Variants in TMEM177 observed in about 807,000 individuals in gnomAD.
TMEM177 encodes the protein transmembrane protein 177.
A neutral mutation model predicts 14.2 loss-of-function variants in TMEM177; 4 were observed. The observed-to-expected ratio is 0.28, with a 90% CI of 0.14 to 0.64. TMEM177 has a LOEUF of 0.64. Ranked by LOEUF, TMEM177 falls within the 30% of genes least tolerant of loss-of-function variation. The pLI is 0.82. For missense variants in TMEM177, 344 were observed against 405.2 expected, an observed-to-expected ratio of 0.85 and a Z score of 1.30; for synonymous variants, 179 against 174.5, an observed-to-expected ratio of 1.03 and a Z score of -0.20.
chr2:119,694,791 C>T, the TMEM177 span, among the ~76,000 whole-genome samples: 9 of 152,220 alleles, frequency 5.9e-5, no homozygotes, highest in Non-Finnish European at 1.2e-4. Flanking sequence ...GTGCTTGTGT[C>T]AGGGCAATAA....
At chr2:119,706,230 T>C in the TMEM177 span, among the ~76,000 whole-genome samples, 2 of 152,180 alleles carry the variant, frequency 1.3e-5, no homozygotes, top group Non-Finnish European at 2.9e-5. Flanking sequence ...TTCGCCACGT[T>C]GGCCAGGCTG....
the TMEM177 span, among the ~76,000 whole-genome samples, chr2:119,700,560 G>T: frequency 2.0e-5 from 3 of 152,164 alleles, no homozygotes; most frequent in Non-Finnish European, 4.4e-5. Context: ...TGAGAAAAAT[G>T]AGACTTATGG....
chr2:119,716,798 C>G, the TMEM177 span, among the ~76,000 whole-genome samples: 1 of 152,358 alleles, frequency 6.6e-6, no homozygotes, highest in East Asian at 1.9e-4. Context: ...TCTAAGACCT[C>G]AATTCCTATG....
chr2:119,711,584 G>C, the TMEM177 span, among the ~76,000 whole-genome samples: 1 of 152,156 alleles, frequency 6.6e-6, no homozygotes, highest in Non-Finnish European at 1.5e-5. Flanking sequence ...ATCGCCTGGG[G>C]CTTGAAATAC....
the TMEM177 span, among the ~76,000 whole-genome samples, chr2:119,707,065 C>A: frequency 6.6e-6 from 1 of 151,740 alleles, no homozygotes. Context: ...GCGCCCACCA[C>A]AACGCCCAGC....
At chr2:119,712,295 C>T in the TMEM177 span, among the ~76,000 whole-genome samples, 1 of 152,082 alleles carries the variant, frequency 6.6e-6, no homozygotes, top group Non-Finnish European at 1.5e-5. Flanking sequence ...GAGTATATTT[C>T]ACCCCCATGG....
the TMEM177 span, among the ~76,000 whole-genome samples, chr2:119,712,248 C>T: frequency 6.6e-6 from 1 of 152,112 alleles, no homozygotes; most frequent in East Asian, 1.9e-4. Flanking sequence ...TCTGTACTCT[C>T]TCCTGCCGCG....
At chr2:119,710,607 C>G in the TMEM177 span, among the ~76,000 whole-genome samples, 1 of 144,322 alleles carries the variant, frequency 6.9e-6, no homozygotes, top group South Asian at 2.2e-4. Context: ...CACCTGCCAT[C>G]TTTTTTTTTT....
Position 119,681,404 on chromosome 2 carries a change from G to A in TMEM177, c.551G>A (p.Gly184Asp), listed in dbSNP as rs779105988. Residue 184 changes from glycine to aspartate, a missense_variant, in exon 2 of 2, where the codon GGC becomes GAC. Gly to Asp is a moderately conservative substitution (Grantham distance 94). Coordinates refer to ENST00000272521, the MANE Select transcript of TMEM177 (RefSeq NM_030577.3). ...PACLAGTWAL[G>D]VGAKYTLGLH... is the part of the protein sequence containing the mutation. Reference sequence around the variant, plus strand: ...TGCCTGGCAGGGACCTGGGCACTGGGCGTGGGTGCCAAGTACACCCTGGGG... The same window carrying A: ...TGCCTGGCAGGGACCTGGGCACTGGACGTGGGTGCCAAGTACACCCTGGGG... 1.1e-5 allele frequency: 18 copies of A among 1,613,856 alleles called. No homozygotes were observed. The highest frequency in any genetic ancestry group is 1.5e-5 in the Non-Finnish European group (18 of 1,179,934).
chr2:119,714,055 G>A, the TMEM177 span, among the ~76,000 whole-genome samples: 1 of 152,236 alleles, frequency 6.6e-6, no homozygotes, highest in Non-Finnish European at 1.5e-5. Context: ...GAACAGATGA[G>A]TGGTGGCCAA....
chr2:119,713,944 C>T, the TMEM177 span, among the ~76,000 whole-genome samples: 9 of 152,228 alleles, frequency 5.9e-5, no homozygotes, highest in Non-Finnish European at 1.3e-4. Flanking sequence ...GGACTGTCTT[C>T]CCTCCTGGCC....
chr2:119,693,780 G>A, the TMEM177 span, among the ~76,000 whole-genome samples: 1 of 150,192 alleles, frequency 6.7e-6, no homozygotes, highest in African/African-American at 2.4e-5. Flanking sequence ...CTGCCCACCA[G>A]CTGCAGTCAC....
chr2:119,694,167 CACA>C, the TMEM177 span, among the ~76,000 whole-genome samples: 2 of 99,828 alleles, frequency 2.0e-5, no homozygotes, highest in South Asian at 4.0e-4. Flanking sequence ...CAACGTGCCA[CACA>C]ACACACAAAC....
chr2:119,708,957 C>T, the TMEM177 span, among the ~76,000 whole-genome samples: 3 of 152,178 alleles, frequency 2.0e-5, no homozygotes, highest in Non-Finnish European at 4.4e-5. Flanking sequence ...TCAAAGAAAA[C>T]TTAAAGGTTA....
chr2:119,694,851 A>G, the TMEM177 span, among the ~76,000 whole-genome samples: 1 of 152,162 alleles, frequency 6.6e-6, no homozygotes, highest in Non-Finnish European at 1.5e-5. Flanking sequence ...CTACCACAGC[A>G]TCACCTACCC....
downstream of TMEM177, among the ~76,000 whole-genome samples, chr2:119,685,221 C>A (rs1252410038): frequency 2.2e-5 from 3 of 134,014 alleles, no homozygotes; most frequent in Non-Finnish European, 3.2e-5. Context: ...CGCCCCCCCC[C>A]CCCTTTGCAG....
the TMEM177 span, chr2:119,698,857 C>G: frequency 6.6e-6 from 1 of 152,336 alleles, no homozygotes; most frequent in Non-Finnish European, 1.5e-5. Context: ...ATTAGCCAGG[C>G]GTGGTGGTGG....
chr2:119,713,839 A>C, the TMEM177 span, among the ~76,000 whole-genome samples: 1 of 152,188 alleles, frequency 6.6e-6, no homozygotes, highest in Non-Finnish European at 1.5e-5. Context: ...GTCTCCAAAA[A>C]GCAAAACAAA....
At chr2:119,715,914 G>A in the TMEM177 span, among the ~76,000 whole-genome samples, 2 of 152,230 alleles carry the variant, frequency 1.3e-5, no homozygotes, top group African/African-American at 4.8e-5. Context: ...CCGCGTCAGA[G>A]GGGAGGGTGG....
Sources: gnomAD v4.1 joint callset for allele counts (sites outside exome capture counted in the v4.1 genomes callset) on GRCh38, gnomAD v4.1.1 for gene constraint, MANE v1.5 for transcripts, NCBI Gene and HGNC (gene_info 2026-07-23, HGNC 2026-07-21) for gene names.